Variants in RXRA observed in about 807,000 individuals in gnomAD.
RXRA encodes retinoid X receptor alpha, also known as retinoic acid receptor RXR-alpha.
A neutral mutation model predicts 44.5 loss-of-function variants in RXRA; 5 were observed. The ratio of observed to expected loss-of-function variants is 0.11; its 90% CI spans 0.06 to 0.24. RXRA has a LOEUF of 0.24. RXRA is among the 10% of genes least tolerant of loss of function. RXRA has a pLI of 1.00. For missense variants in RXRA, 412 were observed against 646.5 expected (o/e 0.64, Z 3.93); for synonymous variants, 291 against 271.4 (o/e 1.07, Z -0.71).
At chr9:134,376,190 G>C (rs2119091409) in intron 1 of RXRA, among the ~76,000 whole-genome samples, 1 of 152,336 alleles carries the variant, frequency 6.6e-6, no homozygotes, top group Middle Eastern at 3.4e-3. Context: ...GGCGCAGCCA[G>C]GCCTTCTTGT....
intron 1 of RXRA, among the ~76,000 whole-genome samples, chr9:134,400,072 G>T (rs1830935527): frequency 6.6e-6 from 1 of 152,232 alleles, no homozygotes; most frequent in South Asian, 2.1e-4. Context: ...TGTGAGGTAA[G>T]AAGAGTGCTG....
At chr9:134,410,713 G>C (rs1471583455) in intron 4 of RXRA, among the ~76,000 whole-genome samples, 1 of 152,206 alleles carries the variant, frequency 6.6e-6, no homozygotes, top group African/African-American at 2.4e-5. Context: ...AGCTGGGGGG[G>C]GAAGGCCTCG....
At chr9:134,362,440 G>C (rs1248849378) in intron 1 of RXRA, among the ~76,000 whole-genome samples, 1 of 152,242 alleles carries the variant, frequency 6.6e-6, no homozygotes, top group Non-Finnish European at 1.5e-5. Context: ...GCCACAAACT[G>C]TGTTTCCAGC....
rs1831642731 is a variant in RXRA, at chr9:134,437,423, G to A, written c.*809G>A. The A allele has an allele frequency of 6.6e-6, 1 of 152,592 alleles. No homozygotes were observed. Among genetic ancestry groups the A allele is most frequent in the Non-Finnish European group, 1.5e-5 (1 of 68,194 alleles). 9.5% of individuals were successfully genotyped at this position (152,592 alleles called of 1,614,324 possible). A position where few individuals can be genotyped will look rare whatever the true frequency, so the allele number is the denominator to read the frequency against. On this transcript the variant is annotated 3_prime_UTR_variant, in exon 10 of 10. Transcript: ENST00000481739. ...ACCAGAGTGCCCCGGCCCCTCCCCAGCCTGAGTCTTCTCCTTGCTCTGCGG... is the reference window on the plus strand; with the variant it reads ...ACCAGAGTGCCCCGGCCCCTCCCCAACCTGAGTCTTCTCCTTGCTCTGCGG...
chr9:134,362,925 C>T (rs1034919708), intron 1 of RXRA, among the ~76,000 whole-genome samples: 3 of 152,354 alleles, frequency 2.0e-5, no homozygotes, highest in African/African-American at 7.2e-5. Flanking sequence ...CTGATGTGCC[C>T]GCTGTCAGCA....
At chr9:134,382,781 A>G (rs560978988) in intron 1 of RXRA, among the ~76,000 whole-genome samples, 2 of 152,024 alleles carry the variant, frequency 1.3e-5, no homozygotes, top group African/African-American at 4.8e-5. Flanking sequence ...CTGGGAAGAC[A>G]TGTGCCTGAG....
intron 2 of RXRA, chr9:134,403,810 T>C (rs918762335): frequency 2.0e-5 from 3 of 152,332 alleles, no homozygotes; most frequent in African/African-American, 7.2e-5. Flanking sequence ...GAGTGAGTGG[T>C]GCAGGTCCCC....
chr9:134,408,390 G>T, intron 3 of RXRA, 91 bp downstream of exon 3: 1 of 1,388,468 alleles, frequency 7.2e-7, no homozygotes, highest in Non-Finnish European at 9.7e-7. Context: ...CCTCCTGTGG[G>T]CCAAGCAGGA....
At chr9:134,369,702 G>T (rs893354434) in intron 1 of RXRA, among the ~76,000 whole-genome samples, 15 of 151,986 alleles carry the variant, frequency 9.9e-5, no homozygotes, top group Non-Finnish European at 1.5e-5. Context: ...TGACCTGCTC[G>T]GTGGCCTTGG....
rs1213655311 is a variant in RXRA at position 134,365,317 on chromosome 9, A to G, written c.29-36315A>G. Among the ~76,000 whole-genome samples the G allele has an allele frequency of 3.3e-5, 5 of 152,210 alleles. No homozygotes were observed. The highest frequency in any genetic ancestry group is 1.2e-4 in the African/African-American group (5 of 41,456). ...AAGCCCTCGCCCCTCGTGGTGGGGC[A>G]GCGCGTCCCTGGGTGAGTGACCAGG... On this transcript the variant is annotated intron_variant, in intron 1 of 9. Coordinates refer to ENST00000481739, the MANE Select transcript of RXRA (RefSeq NM_002957.6). This position sits in a 1 kb window ranked among gnomAD's most constrained non-coding sequence, Gnocchi z 4.0.
At chr9:134,410,581 C>T (rs1333433495) in intron 4 of RXRA, among the ~76,000 whole-genome samples, 1 of 152,206 alleles carries the variant, frequency 6.6e-6, no homozygotes, top group Non-Finnish European at 1.5e-5. Context: ...GTGGCAGGTG[C>T]AGCCTTGTCC....
chr9:134,429,321 G>A, intron 7 of RXRA, 81 bp downstream of exon 7: 8 of 1,418,918 alleles, frequency 5.6e-6, no homozygotes, highest in South Asian at 2.4e-5. Flanking sequence ...CCTTGGCCCC[G>A]GTGCACATCC....
chr9:134,435,000 C>T (rs567111239), intron 9 of RXRA, among the ~76,000 whole-genome samples: 25 of 152,256 alleles, frequency 1.6e-4, no homozygotes, highest in East Asian at 5.8e-4. Context: ...TGAAACTTCC[C>T]GGAGGACGAG....
chr9:134,372,454 T>C (rs1312515034), intron 1 of RXRA, among the ~76,000 whole-genome samples: 1 of 152,138 alleles, frequency 6.6e-6, no homozygotes, highest in Admixed American at 6.5e-5. Context: ...GCCCTGGGAC[T>C]GTCCCGTGAG....
At chr9:134,427,093 C>A (rs1831446297) in intron 6 of RXRA, 4 of 982,632 alleles carry the variant, frequency 4.1e-6, no homozygotes, top group Non-Finnish European at 4.8e-6. Context: ...AGATTACCCA[C>A]ATGTCAGATT....
At chr9:134,367,602 C>T (rs1458286674) in intron 1 of RXRA, among the ~76,000 whole-genome samples, 2 of 152,236 alleles carry the variant, frequency 1.3e-5, no homozygotes, top group Non-Finnish European at 2.9e-5. Flanking sequence ...GCTGTCGGTG[C>T]AGTGCGGTGA....
chr9:134,417,312 G>T lies in RXRA; in HGVS notation c.765G>T (p.Gly255=). Residue 255 remains glycine (G), a synonymous_variant, in exon 5 of 10, where the codon GGG becomes GGT. Transcript: ENST00000481739. This position sits in a 1 kb window ranked among gnomAD's most constrained non-coding sequence, Gnocchi z 6.1. The part of the protein sequence containing the change: ...KTETYVEANM[G]LNPSSPNDPV... ...AGACCTACGTGGAGGCAAACATGGG[G>T]CTGAACCCCAGCTCGGTGAGTTGCA... is the stretch of plus-strand genomic sequence containing the variant. 1 of 1,613,672 alleles carries T rather than the reference G, an allele frequency of 6.2e-7. No homozygotes were observed. The highest frequency in any genetic ancestry group is 8.5e-7 in the Non-Finnish European group (1 of 1,179,926).
At chr9:134,389,961 C>T (rs1010354295) in intron 1 of RXRA, among the ~76,000 whole-genome samples, 1 of 152,168 alleles carries the variant, frequency 6.6e-6, no homozygotes, top group Non-Finnish European at 1.5e-5. Context: ...TGCAGGCCAG[C>T]GGCTCGTCCC....
intron 4 of RXRA, among the ~76,000 whole-genome samples, chr9:134,415,247 T>TA (rs962117413): frequency 1.3e-5 from 2 of 152,100 alleles, no homozygotes; most frequent in African/African-American, 4.8e-5. Flanking sequence ...GTGGGGCTGT[T>TA]ACAGAGCTGT....
Sources: allele counts gnomAD v4.1 joint callset (sites outside exome capture counted in the v4.1 genomes callset), GRCh38; gene constraint gnomAD v4.1.1; non-coding constraint Gnocchi (gnomAD v3.1); transcripts MANE v1.5; gene names NCBI Gene and HGNC (gene_info 2026-07-23, HGNC 2026-07-21).